MGA: variants seen among roughly 807,000 people sequenced by gnomAD.
The protein encoded by MGA is MAX dimerization protein MGA.
A neutral mutation model predicts 261.1 loss-of-function variants in MGA; 40 were observed. The observed-to-expected ratio is 0.15, with a 90% CI of 0.12 to 0.20. The LOEUF is 0.20. MGA is among the 10% of genes least tolerant of loss of function. The pLI is 1.00. For synonymous variants in MGA, 1,302 were observed against 1,290.6 expected, an observed-to-expected ratio of 1.01 and a Z score of -0.19; for missense variants, 3,397 against 3,630.5, an observed-to-expected ratio of 0.94 and a Z score of 1.65.
intron 2 of MGA, among the ~76,000 whole-genome samples, chr15:41,670,668 G>A (rs2058002125): frequency 6.6e-6 from 1 of 152,194 alleles, no homozygotes; most frequent in South Asian, 2.1e-4. Flanking sequence ...ACCACGCCCG[G>A]CTAATTTTTC....
chr15:41,660,629 C>T (rs1039860767), intron 1 of MGA, 104 bp downstream of exon 1: 1 of 152,660 alleles, frequency 6.6e-6, no homozygotes, highest in Admixed American at 6.5e-5. Flanking sequence ...AGAAACGTTC[C>T]GCTGAGAGAG....
chr15:41,722,424 C>T (rs771172181), intron 9 of MGA, among the ~76,000 whole-genome samples: 2 of 151,906 alleles, frequency 1.3e-5, no homozygotes, highest in East Asian at 1.9e-4. Flanking sequence ...CCAGTGTGCC[C>T]GGTCTAAAGT....
intron 10 of MGA, 100 bp downstream of exon 10, chr15:41,727,506 T>A: frequency 8.9e-7 from 1 of 1,125,934 alleles, no homozygotes; most frequent in Non-Finnish European, 1.3e-6. Context: ...TGAATCATTT[T>A]GCTTTCAGTA....
At chr15:41,656,373 T>TCCTCTCTCTCTCTCTCTCTC (rs1566936596), upstream of MGA, among the ~76,000 whole-genome samples, 1 of 136,566 alleles carries the variant, frequency 7.3e-6, no homozygotes, top group Non-Finnish European at 1.6e-5. Flanking sequence ...TCTCTCTCTC[T>TCCTCTCTCTCTCTCTCTCTC]CTCTCACACC....
chr15:41,760,594 A>G (rs2151995424), intron 20 of MGA, 65 bp downstream of exon 20: 2 of 1,515,482 alleles, frequency 1.3e-6, no homozygotes, highest in South Asian at 1.1e-5. Flanking sequence ...GATATGAGAA[A>G]GATAATCCAC....
chr15:41,648,400 C>T (rs972956808), intron 1 of MGA, among the ~76,000 whole-genome samples: 7 of 152,180 alleles, frequency 4.6e-5, no homozygotes, highest in East Asian at 1.9e-4. Context: ...TAATATATGG[C>T]AAATGCTGTG....
Position 41,669,153 on chromosome 15 carries a change from G to A in MGA, c.259G>A (p.Glu87Lys). 1.2e-6 allele frequency: 2 copies of A among 1,613,944 alleles called. No individual in the cohort carries two copies. The highest frequency in any genetic ancestry group is 8.5e-7 in the Non-Finnish European group (1 of 1,179,814). Residue 87 changes from glutamate (E) to lysine (K), a missense_variant, in exon 2 of 24, where the codon GAG (glutamate) becomes AAG (lysine). Transcript: ENST00000219905. ...CCTCGATAACAATAGTATGTGGAATGAGTTCTATCATCGAAGCACAGAGAT... is the reference window on the plus strand; with the variant it reads ...CCTCGATAACAATAGTATGTGGAATAAGTTCTATCATCGAAGCACAGAGAT...
intron 5 of MGA, among the ~76,000 whole-genome samples, chr15:41,706,074 TAAAAATAC>T (rs1432663366): frequency 6.6e-6 from 1 of 151,790 alleles, no homozygotes; most frequent in Admixed American, 6.6e-5. Flanking sequence ...CCGTCTCTAC[TAAAAATAC>T]AAAAATTAGC....
In MGA at chr15:41,711,010, T is replaced by C. The variant is rs376706656; in HGVS notation, c.2745T>C (p.Tyr915=). The C allele has an allele frequency of 1.9e-5, 31 of 1,613,922 alleles. No individual in the cohort carries two copies. Among genetic ancestry groups the C allele is most frequent in the African/African-American group, 1.3e-4 (10 of 74,946 alleles). Residue 915 remains tyrosine (Y), a synonymous_variant, in exon 8 of 24, where the codon TAT becomes TAC. Coordinates refer to ENST00000219905, the MANE Select transcript of MGA (RefSeq NM_001164273.2). ...TCAGTGGCCGAACTAAATCATCTTA[T>C]AAATCCATTTTACCATACCCTGTTT... is the stretch of plus-strand genomic sequence containing the variant.
chr15:41,729,075 T>TA, intron 10 of MGA, 89 bp from the exon 11 acceptor site: 1 of 1,356,236 alleles, frequency 7.4e-7, no homozygotes, highest in Non-Finnish European at 1.0e-6. Context: ...ACTGTTGTAA[T>TA]ACAAAAAAAG....
chr15:41,696,263 A>G lies in MGA; in HGVS notation c.1253A>G (p.Asp418Gly). Residue 418 changes from aspartate (D) to glycine (G), a missense_variant, in exon 3 of 24, where the codon GAT becomes GGT. Transcript: ENST00000219905. Reference sequence around the variant, plus strand: ...GAGACGGATGTATACTCAAACAGTGATGATGATCCTATACTAGAGAAACAG... The same window carrying G: ...GAGACGGATGTATACTCAAACAGTGGTGATGATCCTATACTAGAGAAACAG... 1 of 1,613,998 alleles carries G rather than the reference A, an allele frequency of 6.2e-7. No individual in the cohort carries two copies. Among genetic ancestry groups the G allele is most frequent in the African/African-American group, 1.3e-5 (1 of 75,060 alleles).
intron 1 of MGA, among the ~76,000 whole-genome samples, chr15:41,650,980 G>T (rs1037809152): frequency 6.6e-6 from 1 of 152,072 alleles, no homozygotes; most frequent in Non-Finnish European, 1.5e-5. Context: ...AGGTTTATTT[G>T]GCTCACAGTT....
chr15:41,726,483 T>G (rs938498813), intron 9 of MGA, among the ~76,000 whole-genome samples: 1 of 152,184 alleles, frequency 6.6e-6, no homozygotes, highest in South Asian at 2.1e-4. Context: ...AATCTGGCAC[T>G]GTGGGAGGCC....
At chr15:41,663,385 T>C (rs2057530068) in intron 1 of MGA, among the ~76,000 whole-genome samples, 2 of 152,184 alleles carry the variant, frequency 1.3e-5, no homozygotes, top group South Asian at 4.1e-4. Context: ...AATTGTGGTT[T>C]TCATTAAAGC....
chr15:41,700,341 C>T (rs535755794), intron 5 of MGA, among the ~76,000 whole-genome samples: 5 of 152,144 alleles, frequency 3.3e-5, no homozygotes, highest in African/African-American at 4.8e-5. Context: ...CCACCGCGCC[C>T]GGCCCTGTCA....
At chr15:41,689,745 T>C (rs1223583305) in intron 2 of MGA, among the ~76,000 whole-genome samples, 6 of 152,046 alleles carry the variant, frequency 3.9e-5, no homozygotes, top group Non-Finnish European at 7.4e-5. Context: ...TTTGTATTTT[T>C]AGTAGAGACA....
At chr15:41,632,638 A>C (rs2056614331) in intron 1 of MGA, among the ~76,000 whole-genome samples, 1 of 152,118 alleles carries the variant, frequency 6.6e-6, no homozygotes, top group Non-Finnish European at 1.5e-5. Flanking sequence ...CAACCTCTTA[A>C]AACTTGTCCC....
intron 1 of MGA, among the ~76,000 whole-genome samples, chr15:41,637,583 T>C (rs1156401142): frequency 1.3e-5 from 2 of 152,066 alleles, no homozygotes; most frequent in African/African-American, 2.4e-5. Flanking sequence ...ACGACTCCTG[T>C]GATGCTTATA....
intron 11 of MGA, among the ~76,000 whole-genome samples, chr15:41,732,444 G>A (rs897406082): frequency 1.3e-5 from 2 of 152,184 alleles, no homozygotes; most frequent in South Asian, 2.1e-4. Context: ...CACCGTGCCC[G>A]GCCTGTTATC....
Sources: gnomAD v4.1 joint callset for allele counts (sites outside exome capture counted in the v4.1 genomes callset) on GRCh38, gnomAD v4.1.1 for gene constraint, MANE v1.5 for transcripts, NCBI Gene and HGNC (gene_info 2026-07-23, HGNC 2026-07-21) for gene names.